The following PURG variants were observed in gnomAD, a reference collection of about 807,000 sequenced individuals.
The protein encoded by PURG is purine rich element binding protein G.
A neutral mutation model predicts 24.3 loss-of-function variants in PURG; 3 were observed. That is an observed-to-expected ratio of 0.12 (90% confidence interval 0.06 to 0.32). The LOEUF (loss-of-function observed/expected upper bound fraction) is 0.32, where lower values mean the gene tolerates loss of function less well. Among genes scored for constraint, PURG ranks in the 10% least tolerant of loss-of-function variants. The probability of loss-of-function intolerance (pLI) is 1.00; values close to 1 mark genes in which losing one functional copy is unlikely to be tolerated. For missense variants in PURG, 371 were observed against 439.1 expected (o/e 0.84, Z 1.39); for synonymous variants, 180 against 173.1 (o/e 1.04, Z -0.31).
intron 1 of PURG, among the ~76,000 whole-genome samples, chr8:31,007,709 C>A (rs1040462609): frequency 1.3e-5 from 2 of 152,138 alleles, no homozygotes; most frequent in Admixed American, 1.3e-4. Context: ...AGGCAAAAAA[C>A]CATCAAAATC....
chr8:31,032,618 G>C lies in PURG; in HGVS notation c.165C>G (p.Ala55=). The change falls in exon 2 of 2, where the codon GCC becomes GCG. Residue 55 remains alanine (A), a synonymous_variant. Coordinates refer to ENST00000523392, the MANE Select transcript of PURG (RefSeq NM_001323311.2). This position sits in a 1 kb window ranked among gnomAD's most constrained non-coding sequence, Gnocchi z 5.9. The part of the protein sequence containing the change: ...SATPNQAGGA[A]EIQELASKRV... Reference sequence around the variant, plus strand: ...GTTTGGAGGCCAGCTCCTGGATTTCGGCTGCGCCCCCGGCCTGATTAGGGG... The same window carrying C: ...GTTTGGAGGCCAGCTCCTGGATTTCCGCTGCGCCCCCGGCCTGATTAGGGG... The C allele has an allele frequency of 6.2e-7, 1 of 1,605,632 alleles. No individual in the cohort carries two copies. Among genetic ancestry groups the C allele is most frequent in the Non-Finnish European group, 8.5e-7 (1 of 1,175,070 alleles).
chr8:30,997,480 T>C (rs968150759), intron 1 of PURG, among the ~76,000 whole-genome samples: 8 of 151,766 alleles, frequency 5.3e-5, no homozygotes, highest in Middle Eastern at 3.2e-3. Context: ...TTCACAAGGA[T>C]AGACCTCTGA....
Position 31,032,878 on chromosome 8 carries a change from C to T in PURG, c.-6-90G>A. ...CCCCTCGGCCTGACCGCCCCGCCGC[C>T]GCCCGCGACCCCCACGCCGGGCCCG... is the stretch of plus-strand genomic sequence containing the variant. On this transcript the variant is annotated intron_variant, in intron 1 of 1. Coordinates refer to ENST00000523392, the MANE Select transcript of PURG (RefSeq NM_001323311.2). The surrounding 1 kb of genome is among the most constrained non-coding windows in gnomAD (Gnocchi z 5.9). The T allele has an allele frequency of 1.2e-5, 13 of 1,042,750 alleles. No individual in the cohort carries two copies. The highest frequency in any genetic ancestry group is 1.6e-5 in the Non-Finnish European group (13 of 818,926). 64.6% of individuals were successfully genotyped at this position (1,042,750 alleles called of 1,614,324 possible).
chr8:31,021,971 CTT>C (rs1011753786), intron 1 of PURG, among the ~76,000 whole-genome samples: 24 of 136,882 alleles, frequency 1.8e-4, no homozygotes, highest in Admixed American at 2.9e-4. Context: ...TCATTTCTTT[CTT>C]TTTTTTTTTT....
Position 31,032,872 on chromosome 8 carries a change from C to G in PURG, c.-6-84G>C. On this transcript the variant is annotated intron_variant, in intron 1 of 1. Coordinates refer to ENST00000523392, the MANE Select transcript of PURG (RefSeq NM_001323311.2). This position sits in a 1 kb window ranked among gnomAD's most constrained non-coding sequence, Gnocchi z 5.9. ...CAGACGCCCCTCGGCCTGACCGCCC[C>G]GCCGCCGCCCGCGACCCCCACGCCG... The G allele has an allele frequency of 9.3e-7, 1 of 1,074,992 alleles. No homozygotes were observed. The highest frequency in any genetic ancestry group is 4.7e-5 in the South Asian group (1 of 21,382). The allele number at this position is 1,074,992 out of a possible 1,614,324, so 66.6% of individuals were successfully genotyped here.
Position 31,032,540 on chromosome 8 carries a change from C to T in PURG, c.243G>A (p.Arg81=). ...CTTCGGCTATCTTTAGGAAGCGGCC[C>T]CGGGAGCTTTGCTTCACGTCTAGGT... is the stretch of plus-strand genomic sequence containing the variant. ...RFYLDVKQSS[R]GRFLKIAEVW... The change falls in exon 2 of 2, where the codon CGG becomes CGA. Residue 81 remains arginine, a synonymous_variant. Transcript: ENST00000523392. The surrounding 1 kb of genome is among the most constrained non-coding windows in gnomAD (Gnocchi z 5.9). 1 of 1,614,224 alleles carries T rather than the reference C, an allele frequency of 6.2e-7. No individual in the cohort carries two copies. The highest frequency in any genetic ancestry group is 8.5e-7 in the Non-Finnish European group (1 of 1,180,034).
In PURG at chr8:31,032,217, T is replaced by C; in HGVS notation, c.566A>G (p.Glu189Gly). 6.2e-7 allele frequency: 1 copy of C among 1,614,220 alleles called. No individual in the cohort carries two copies. The highest frequency in any genetic ancestry group is 1.1e-5 in the South Asian group (1 of 91,090). ...DNRKYYLDLK[E>G]NQRGRFLRIR... ...CCGTAGGAAGCGACCCCGCTGATTTTCCTTTAGGTCTAGGTAATATTTCCT... is the reference window on the plus strand; with the variant it reads ...CCGTAGGAAGCGACCCCGCTGATTTCCCTTTAGGTCTAGGTAATATTTCCT... The change falls in exon 2 of 2, where the codon GAA (glutamate) becomes GGA (glycine). Residue 189 changes from glutamate (E) to glycine (G), a missense_variant. This residue lies in a region of PURG where 9 missense variants were observed against 27.0 expected (regional missense o/e 0.33). Transcript: ENST00000523392. This position sits in a 1 kb window ranked among gnomAD's most constrained non-coding sequence, Gnocchi z 5.9.
At chr8:31,008,460 C>T (rs1415176658) in intron 1 of PURG, among the ~76,000 whole-genome samples, 4 of 152,104 alleles carry the variant, frequency 2.6e-5, no homozygotes, top group South Asian at 2.1e-4. Flanking sequence ...CGTGCCACCA[C>T]GCCTGGTTAA....
chr8:31,033,180 C>CCCGCCTCCTCCCCCGCCG lies in PURG; in HGVS notation c.-127_-110dup, dbSNP rs1272228107. The CCCGCCTCCTCCCCCGCCG allele has an allele frequency of 4.8e-6, 1 of 206,662 alleles. No individual in the cohort carries two copies. Among genetic ancestry groups the CCCGCCTCCTCCCCCGCCG allele is most frequent in the African/African-American group, 2.4e-5 (1 of 42,070 alleles). The allele number at this position is 206,662 out of a possible 1,614,324, so 12.8% of individuals were successfully genotyped here. A position where few individuals can be genotyped will look rare whatever the true frequency, so the allele number is the denominator to read the frequency against. On this transcript the variant is annotated 5_prime_UTR_variant, in exon 1 of 2. Transcript: ENST00000523392. ...GCTGCAGCCGCCGCAGCCGCCGCCC[C>CCCGCCTCCTCCCCCGCCG]CCGCCTCCTCCCCCGCCGCCGCCGC...
rs151255614 is a variant in PURG at position 31,021,111 on chromosome 8, T to C, written c.864+10808A>G. On this transcript the variant is annotated intron_variant, in intron 1 of 1. Transcript: ENST00000339382. ...AAGAGGAGGAAATTTGGTAATTAAATATGAAAATGAGTGGAATGATATAGG... is the reference window on the plus strand; with the variant it reads ...AAGAGGAGGAAATTTGGTAATTAAACATGAAAATGAGTGGAATGATATAGG... Among the ~76,000 whole-genome samples, 375 of 152,254 alleles carry C rather than the reference T, an allele frequency of 2.5e-3. 3 individuals carry two copies. The highest frequency in any genetic ancestry group is 8.7e-3 in the African/African-American group (362 of 41,532).
chr8:31,029,377 T>C (rs1011864362), downstream of PURG, among the ~76,000 whole-genome samples: 10 of 151,838 alleles, frequency 6.6e-5, no homozygotes, highest in African/African-American at 2.2e-4. Context: ...ACTAATTCTT[T>C]ACTTAAATAA....
chr8:31,011,906 G>A (rs188406619), intron 1 of PURG, among the ~76,000 whole-genome samples: 30 of 152,232 alleles, frequency 2.0e-4, no homozygotes, highest in Non-Finnish European at 3.8e-4. Flanking sequence ...GGGTGTGCAG[G>A]CAACAAATCA....
At chr8:30,995,848 C>A (rs1810418662) in exon 2 of PURG, 3 of 151,908 alleles carry the variant, frequency 2.0e-5, no homozygotes, top group African/African-American at 7.2e-5. Flanking sequence ...TACTTTGAGA[C>A]AAATTCAAGT....
At chr8:31,002,362 A>T (rs1005234263) in intron 1 of PURG, among the ~76,000 whole-genome samples, 1 of 149,624 alleles carries the variant, frequency 6.7e-6, no homozygotes, top group African/African-American at 2.6e-5. Context: ...ATTTTCTTTT[A>T]AAAAAGGATA....
intron 1 of PURG, among the ~76,000 whole-genome samples, chr8:31,010,118 AT>A (rs926585007): frequency 2.0e-5 from 3 of 152,344 alleles, no homozygotes; most frequent in East Asian, 3.9e-4. Context: ...AAATAAAAAA[AT>A]AATAAAAAAT....
chr8:30,996,478 T>A (rs1810429692), exon 2 of PURG: 1 of 671,786 alleles, frequency 1.5e-6, no homozygotes. Context: ...TTGATACTTG[T>A]CTTCCCTTCC....
At chr8:31,010,503 C>T (rs1157455181) in intron 1 of PURG, among the ~76,000 whole-genome samples, 6 of 152,162 alleles carry the variant, frequency 3.9e-5, no homozygotes, top group Non-Finnish European at 8.8e-5. Flanking sequence ...AACAAAATAC[C>T]TAGAATGCAT....
chr8:31,025,602 C>T (rs1421245540), intron 1 of PURG, among the ~76,000 whole-genome samples: 4 of 151,180 alleles, frequency 2.6e-5, no homozygotes, highest in Non-Finnish European at 5.9e-5. Flanking sequence ...TGCTTTAATT[C>T]ATAATTAGAT....
chr8:31,032,778 T>C lies in PURG; in HGVS notation c.5A>G (p.Glu2Gly). The C allele has an allele frequency of 1.4e-6, 2 of 1,422,016 alleles. No individual in the cohort carries two copies. Among genetic ancestry groups the C allele is most frequent in the East Asian group, 2.5e-5 (1 of 39,838 alleles). The allele number at this position is 1,422,016 out of a possible 1,614,324, so 88.1% of individuals were successfully genotyped here. A position where few individuals can be genotyped will look rare whatever the true frequency, so the allele number is the denominator to read the frequency against. Residue 2 changes from glutamate to glycine, a missense_variant, in exon 2 of 2, where the codon GAA becomes GGA. By Grantham distance (98) the Glu-to-Gly change is moderately conservative. Transcript: ENST00000523392. The surrounding 1 kb of genome is among the most constrained non-coding windows in gnomAD (Gnocchi z 5.9). ...GCCGCCTCCCCTTCGCCTGGCTCTT[T>C]CCATCTTCAGCTGCAAGTAACAAAC... M[E>G]RARRRGGGGG...
Sources: gnomAD v4.1 joint callset for allele counts (sites outside exome capture counted in the v4.1 genomes callset) on GRCh38, gnomAD v4.1.1 for gene constraint, gnomAD v4.1.1 regional missense constraint, Gnocchi (gnomAD v3.1) non-coding constraint, MANE v1.5 for transcripts, NCBI Gene and HGNC (gene_info 2026-07-23, HGNC 2026-07-21) for gene names.